STPG1: variants seen among roughly 807,000 people sequenced by gnomAD.
STPG1 encodes the protein sperm tail PG-rich repeat containing 1, also known as O(6)-methylguanine-induced apoptosis 2.
STPG1 carries 33 observed loss-of-function variants against 40.1 expected under a neutral mutation model. The ratio of observed to expected loss-of-function variants is 0.82; its 90% CI spans 0.62 to 1.10. The LOEUF (loss-of-function observed/expected upper bound fraction) is 1.10, where lower values mean the gene tolerates loss of function less well. Ranked by LOEUF, STPG1 falls within the 50% of genes least tolerant of loss-of-function variation. The pLI is 0.00. For synonymous variants in STPG1, 150 were observed against 155.0 expected, an observed-to-expected ratio of 0.97 and a Z score of 0.24; for missense variants, 396 against 415.1, an observed-to-expected ratio of 0.95 and a Z score of 0.40.
chr1:24,393,774 G>A (rs1038196715), intron 2 of STPG1, among the ~76,000 whole-genome samples: 3 of 152,262 alleles, frequency 2.0e-5, no homozygotes, highest in African/African-American at 7.2e-5. Flanking sequence ...GATATATAAA[G>A]CAATCAAGAT....
At chr1:24,389,694 G>C (rs5026924) in intron 3 of STPG1, among the ~76,000 whole-genome samples, 2 of 152,102 alleles carry the variant, frequency 1.3e-5, no homozygotes, top group Non-Finnish European at 2.9e-5. Flanking sequence ...TGTTTTTATC[G>C]GAGGCTGGGC....
At chr1:24,372,920 G>A (rs772562871) in intron 6 of STPG1, among the ~76,000 whole-genome samples, 2 of 152,168 alleles carry the variant, frequency 1.3e-5, no homozygotes, top group Admixed American at 6.5e-5. Context: ...CAGCACTGGA[G>A]GTCAGAGAGC....
intron 3 of STPG1, among the ~76,000 whole-genome samples, chr1:24,389,228 G>T (rs764190611): frequency 3.9e-5 from 6 of 152,124 alleles, no homozygotes; most frequent in African/African-American, 1.4e-4. Flanking sequence ...CAAGTGAGCC[G>T]GCTTGCTTTC....
chr1:24,386,594 C>T (rs968785404), intron 3 of STPG1, among the ~76,000 whole-genome samples: 7 of 152,230 alleles, frequency 4.6e-5, no homozygotes, highest in South Asian at 2.1e-4. Flanking sequence ...CCACCGCCTT[C>T]GTGCAACGCC....
In STPG1 at chr1:24,376,720, G is replaced by A. The variant is rs184438017; in HGVS notation, c.463-2910C>T. On this transcript the variant is annotated intron_variant, in intron 5 of 8. Coordinates refer to ENST00000337248, the MANE Select transcript of STPG1 (RefSeq NM_001199013.2). ...ACGGCAGCATCCTTCAGCTACAACC[G>A]GGAGGCTGCAGAGAGGGGCATCCGC... Among the ~76,000 whole-genome samples the A allele has an allele frequency of 8.8e-4, 134 of 152,270 alleles. 1 individual carries two copies. Among genetic ancestry groups the A allele is most frequent in the Admixed American group, 2.7e-3 (42 of 15,296 alleles).
At chr1:24,377,238 G>C (rs1012505635) in intron 5 of STPG1, among the ~76,000 whole-genome samples, 2 of 152,112 alleles carry the variant, frequency 1.3e-5, no homozygotes, top group Admixed American at 1.3e-4. Context: ...CTGGGCGACA[G>C]AGCAAGACTC....
chr1:24,383,342 G>T (rs1642370443), intron 4 of STPG1, among the ~76,000 whole-genome samples: 1 of 151,988 alleles, frequency 6.6e-6, no homozygotes, highest in Non-Finnish European at 1.5e-5. Flanking sequence ...ACATTTTTAA[G>T]AAGCCTATCT....
At chr1:24,365,931 G>T (rs1257000007) in intron 7 of STPG1, among the ~76,000 whole-genome samples, 1 of 152,164 alleles carries the variant, frequency 6.6e-6, no homozygotes, top group East Asian at 1.9e-4. Flanking sequence ...CTCTTCAGGG[G>T]ACGTGATCAG....
In STPG1 at chr1:24,357,663, A is replaced by G. The variant is rs2148671814; in HGVS notation, c.*880T>C. 6.0e-6 allele frequency: 1 copy of G among 166,450 alleles called. No homozygotes were observed. The highest frequency in any genetic ancestry group is 1.6e-4 in the South Asian group (1 of 6,442). The allele number at this position is 166,450 out of a possible 1,614,324, so 10.3% of individuals were successfully genotyped here. On this transcript the variant is annotated 3_prime_UTR_variant, in exon 9 of 9. Coordinates refer to ENST00000337248, the MANE Select transcript of STPG1 (RefSeq NM_001199013.2). ...CAGAAAGACTAAACAGCGTCAGTCA[A>G]AGCCTGCTGGGAGATCAGAAAAGGA...
chr1:24,409,189 G>A (rs979772882), intron 1 of STPG1, among the ~76,000 whole-genome samples: 5 of 152,074 alleles, frequency 3.3e-5, no homozygotes, highest in Admixed American at 6.5e-5. Flanking sequence ...GTGAAAGTCC[G>A]TCTCTACAAA....
Position 24,413,725 on chromosome 1 carries a change from T to C in STPG1, c.-120A>G, listed in dbSNP as rs1334161371. The C allele has an allele frequency of 2.0e-5, 3 of 152,290 alleles. No homozygotes were observed. Among genetic ancestry groups the C allele is most frequent in the African/African-American group, 7.2e-5 (3 of 41,468 alleles). The allele number at this position is 152,290 out of a possible 1,614,324, so 9.4% of individuals were successfully genotyped here. A position where few individuals can be genotyped will look rare whatever the true frequency, so the allele number is the denominator to read the frequency against. ...GGCCAGCCCAACCTCCCGGTCGCTA[T>C]GGCACCCACAGGCCTAACATTCGCG... On this transcript the variant is annotated 5_prime_UTR_variant, in exon 1 of 9. Transcript: ENST00000337248.
At chr1:24,414,531 CTTTTTTTTTTTT>C (rs57135976), upstream of STPG1, 9 of 83,162 alleles carry the variant, frequency 1.1e-4, no homozygotes, top group Admixed American at 7.2e-4. Context: ...GAAATCCAAG[CTTTTTTTTTTTT>C]TTTTTTTTTT....
rs376618241 is a variant in STPG1 at position 24,401,353 on chromosome 1, G to C, written c.36C>G (p.Gly12=). Residue 12 remains glycine, a synonymous_variant, in exon 2 of 9, where the codon GGC becomes GGG. Coordinates refer to ENST00000337248, the MANE Select transcript of STPG1 (RefSeq NM_001199013.2). ...DNSAQKNERT[G]KHPRRASEVQ... The stretch of plus-strand genomic sequence containing the variant: ...CTTCACTGGCACGTCTGGGATGTTT[G>C]CCAGTGCGTTCATTTTTCTGTGCAG... 20 of 1,614,102 alleles carry C rather than the reference G, an allele frequency of 1.2e-5. No individual in the cohort carries two copies. In the African/African-American group the frequency reaches 2.5e-4, roughly 20 times the overall value.
chr1:24,358,293 A>C lies in STPG1; in HGVS notation c.*250T>G. On this transcript the variant is annotated 3_prime_UTR_variant, in exon 9 of 9. Transcript: ENST00000337248. ...GGGAAGCAGCCAGGGGGCTCTGTCC[A>C]CTCCTCCCTTCTGCTCAGGAAGCCA... 1 of 665,274 alleles carries C rather than the reference A, an allele frequency of 1.5e-6. No individual in the cohort carries two copies. Among genetic ancestry groups the C allele is most frequent in the Non-Finnish European group, 2.8e-6 (1 of 361,284 alleles). 41.2% of individuals were successfully genotyped at this position (665,274 alleles called of 1,614,324 possible).
At chr1:24,397,058 C>CA (rs1643035776) in intron 2 of STPG1, among the ~76,000 whole-genome samples, 2 of 151,944 alleles carry the variant, frequency 1.3e-5, no homozygotes, top group South Asian at 4.2e-4. Context: ...GATTTCAGAG[C>CA]AAAAAATATT....
intron 1 of STPG1, among the ~76,000 whole-genome samples, chr1:24,410,020 G>A (rs1401984371): frequency 1.3e-5 from 2 of 152,102 alleles, no homozygotes; most frequent in Non-Finnish European, 2.9e-5. Flanking sequence ...ATTTCAAAGG[G>A]GAAAAAAATT....
Position 24,364,230 on chromosome 1 carries a change from T to A in STPG1, c.738-3189A>T. 3.9e-6 allele frequency: 6 copies of A among 1,545,132 alleles called. No homozygotes were observed. The East Asian group carries it at 1.5e-4, about 38-fold the overall frequency. ...CACGCCTGTCTCGCCACCCCCCACC[T>A]GACTGTCTTGAATGTTCCCATCCTG... On this transcript the variant is annotated intron_variant, in intron 7 of 8. Transcript: ENST00000337248.
intron 2 of STPG1, among the ~76,000 whole-genome samples, chr1:24,396,911 A>G (rs1643029591): frequency 6.6e-6 from 1 of 152,260 alleles, no homozygotes; most frequent in Non-Finnish European, 1.5e-5. Context: ...GATAAGAAAG[A>G]AAGACCCAAC....
chr1:24,370,489 TA>T (rs920708516), intron 6 of STPG1, among the ~76,000 whole-genome samples: 5 of 149,664 alleles, frequency 3.3e-5, no homozygotes, highest in African/African-American at 7.4e-5. Flanking sequence ...CCCTGCAAAT[TA>T]AAAAAAAAAT....
Sources: gnomAD v4.1 joint callset for allele counts (sites outside exome capture counted in the v4.1 genomes callset) on GRCh38, gnomAD v4.1.1 for gene constraint, MANE v1.5 for transcripts, NCBI Gene and HGNC (gene_info 2026-07-23, HGNC 2026-07-21) for gene names.